Variants in SRCIN1 observed in about 807,000 individuals in gnomAD.
SRCIN1 encodes the protein P130Cas-associated protein.
A neutral mutation model predicts 116.2 loss-of-function variants in SRCIN1; 50 were observed. The observed-to-expected ratio is 0.43, with a 90% confidence interval of 0.34 to 0.54. The LOEUF (loss-of-function observed/expected upper bound fraction) is 0.54, where lower values mean the gene tolerates loss of function less well. Among genes scored for constraint, SRCIN1 ranks in the 20% least tolerant of loss-of-function variants. The pLI is 0.02. For missense variants in SRCIN1, 1,446 were observed against 1,672.0 expected (o/e 0.86, Z 2.36); for synonymous variants, 736 against 750.0 (o/e 0.98, Z 0.30).
chr17:38,539,468 G>A (rs1904591751), intron 18 of SRCIN1, among the ~76,000 whole-genome samples: 1 of 152,164 alleles, frequency 6.6e-6, no homozygotes. Flanking sequence ...CTCTGGTTGG[G>A]TTTGGCCAGT....
chr17:38,588,073 GGAA>G (rs758640675), intron 1 of SRCIN1, among the ~76,000 whole-genome samples: 12 of 148,148 alleles, frequency 8.1e-5, no homozygotes, highest in South Asian at 2.2e-4. Context: ...AAAAAAAAAA[GGAA>G]GAAGAAGAAG....
intron 1 of SRCIN1, among the ~76,000 whole-genome samples, chr17:38,580,489 G>A (rs1304061792): frequency 1.3e-5 from 2 of 152,240 alleles, no homozygotes; most frequent in African/African-American, 2.4e-5. Flanking sequence ...CATCAGGTGG[G>A]TGTTATCATG....
At position 38,544,663 on chromosome 17, in the gene SRCIN1, T is replaced by C. The variant is rs1220169282; in HGVS notation, c.3271-694A>G. ...CCTGGTTCTTGCCAAGGCTGGGGAT[T>C]GGCCGGCCCCTGGGTAGGCCGGCTT... On this transcript the variant is annotated intron_variant, in intron 17 of 18. Transcript: ENST00000617146. This position sits in a 1 kb window ranked among gnomAD's most constrained non-coding sequence, Gnocchi z 4.5. 6.6e-6 allele frequency: 1 copy of C among 152,124 alleles called. No individual in the cohort carries two copies. Among genetic ancestry groups the C allele is most frequent in the Non-Finnish European group, 1.5e-5 (1 of 68,050 alleles). The allele number at this position is 152,124 out of a possible 1,614,324, so 9.4% of individuals were successfully genotyped here.
chr17:38,587,859 C>T (rs1186661225), intron 1 of SRCIN1, among the ~76,000 whole-genome samples: 4 of 152,126 alleles, frequency 2.6e-5, no homozygotes, highest in African/African-American at 9.7e-5. Context: ...CAAGACTCCC[C>T]ATCCTTGCAA....
chr17:38,554,286 C>T (rs1377127386), intron 11 of SRCIN1, among the ~76,000 whole-genome samples: 7 of 152,054 alleles, frequency 4.6e-5, no homozygotes, highest in Admixed American at 2.6e-4. Context: ...CAGGAAAGCA[C>T]GCGGCAAAGG....
In SRCIN1 at chr17:38,533,095, TA is replaced by T. The variant is rs79154508; in HGVS notation, c.*201del. On this transcript the variant is annotated 3_prime_UTR_variant, in exon 19 of 19. Transcript: ENST00000617146. ...AAAAAGATAATTAAAAGTTAATTGT[TA>T]AAAAAAAAAAAAAAAACAAAACCAA... The T allele has an allele frequency of 0.086, 22,193 of 258,280 alleles. 16 individuals carry two copies. Among genetic ancestry groups the T allele is most frequent in the Middle Eastern group, 0.13 (119 of 892 alleles). The allele number at this position is 258,280 out of a possible 1,614,324, so 16.0% of individuals were successfully genotyped here.
At chr17:38,575,605 A>G (rs1262263469) in intron 2 of SRCIN1, among the ~76,000 whole-genome samples, 2 of 151,872 alleles carry the variant, frequency 1.3e-5, no homozygotes, top group African/African-American at 4.8e-5. Flanking sequence ...GCTCCTTACC[A>G]TCTCCCCTTC....
chr17:38,606,794 C>T (rs1226474656), upstream of SRCIN1, among the ~76,000 whole-genome samples: 2 of 152,186 alleles, frequency 1.3e-5, no homozygotes, highest in Admixed American at 6.5e-5. The surrounding 1 kb of genome is among the most constrained non-coding windows in gnomAD (Gnocchi z 5.2). Flanking sequence ...AGCGCTGACC[C>T]GGACCCAGAC....
rs975222446 is a variant in SRCIN1, at chr17:38,562,142, C to T, written c.1021G>A (p.Ala341Thr). 6 of 1,367,712 alleles carry T rather than the reference C, an allele frequency of 4.4e-6. No individual in the cohort carries two copies. Among genetic ancestry groups the T allele is most frequent in the Non-Finnish European group, 5.6e-6 (6 of 1,068,590 alleles). The allele number at this position is 1,367,712 out of a possible 1,614,324, so 84.7% of individuals were successfully genotyped here. ...GCCGCGTGGTGCACCGGGCTGCCGG[C>T]GTACGAAGGCGGGCGCCCCCCGGCG... is the stretch of plus-strand genomic sequence containing the variant. ...SYAGGRPPSYAGSPVHHAAER... is the reference protein window; with the variant it reads ...SYAGGRPPSYTGSPVHHAAER... Residue 341 changes from alanine (A) to threonine (T), a missense_variant, in exon 7 of 19, where the codon GCC (alanine) becomes ACC (threonine). By Grantham distance (58) the Ala-to-Thr change is moderately conservative. Coordinates refer to ENST00000617146, the MANE Select transcript of SRCIN1 (RefSeq NM_025248.3). The surrounding 1 kb of genome is among the most constrained non-coding windows in gnomAD (Gnocchi z 4.2).
rs201711354 is a variant in SRCIN1, at chr17:38,561,573, C to T, written c.1590G>A (p.Ala530=). The T allele has an allele frequency of 1.6e-5, 26 of 1,601,658 alleles. No individual in the cohort carries two copies. Among genetic ancestry groups the T allele is most frequent in the Non-Finnish European group, 2.1e-5 (25 of 1,175,652 alleles). ...GAGCTCCGGCCGTCGAGGCGCTCCC[C>T]GCGCTGCGGGTCTTCCCTCCAGGAC... The part of the protein sequence containing the change: ...AESPGGKTRS[A]GSASTAGAPP... The change falls in exon 7 of 19, where the codon GCG becomes GCA. Residue 530 remains alanine (A), a synonymous_variant. Coordinates refer to ENST00000617146, the MANE Select transcript of SRCIN1 (RefSeq NM_025248.3).
In SRCIN1 at chr17:38,561,841, G is replaced by A; in HGVS notation, c.1322C>T (p.Ala441Val). The change falls in exon 7 of 19, where the codon GCC (alanine) becomes GTC (valine). Residue 441 changes from alanine to valine, a missense_variant. Around this residue, in one of 5 missense-constraint regions of SRCIN1, gnomAD observed 398 missense variants for 385.6 expected, o/e 1.03. Transcript: ENST00000617146. ...SVRSLSTYSA[A>V]ALQSDLEDSL... ...GTCCTCCAGATCGGACTGCAGCGCG[G>A]CGGCCGAGTAGGTGCTGAGCGAGCG... 1 of 1,476,862 alleles carries A rather than the reference G, an allele frequency of 6.8e-7. No homozygotes were observed. The highest frequency in any genetic ancestry group is 8.9e-7 in the Non-Finnish European group (1 of 1,123,542). 91.5% of individuals were successfully genotyped at this position (1,476,862 alleles called of 1,614,324 possible).
intron 1 of SRCIN1, among the ~76,000 whole-genome samples, chr17:38,590,394 C>T (rs2143399674): frequency 6.6e-6 from 1 of 152,354 alleles, no homozygotes; most frequent in Admixed American, 6.5e-5. Context: ...TGCCACCACA[C>T]CTGGCTAATT....
intron 1 of SRCIN1, among the ~76,000 whole-genome samples, chr17:38,595,269 G>A (rs188213556): frequency 6.6e-4 from 100 of 152,164 alleles, no homozygotes; most frequent in African/African-American, 2.1e-3. Flanking sequence ...CCAGGCTGGA[G>A]TGCGGTGGCG....
chr17:38,546,254 C>T (rs1199710987), intron 17 of SRCIN1, among the ~76,000 whole-genome samples: 1 of 152,244 alleles, frequency 6.6e-6, no homozygotes, highest in Non-Finnish European at 1.5e-5. Context: ...CTGCTGCTCT[C>T]ACCAGGGCGA....
rs1906030543 is a variant in SRCIN1 at position 38,559,268 on chromosome 17, C to T, written c.2025+317G>A. The T allele has an allele frequency of 1.6e-5, 8 of 485,068 alleles. No homozygotes were observed. In the South Asian group the frequency reaches 2.0e-4, roughly 12 times the overall value. 30.0% of individuals were successfully genotyped at this position (485,068 alleles called of 1,614,324 possible). On this transcript the variant is annotated intron_variant, in intron 10 of 18. Coordinates refer to ENST00000617146, the MANE Select transcript of SRCIN1 (RefSeq NM_025248.3). ...CTGGAACTGCCCCGAGGGATACTGA[C>T]GACGGAGGGGCTCAGTGGGTGACTG...
intron 18 of SRCIN1, among the ~76,000 whole-genome samples, chr17:38,536,784 T>C (rs34041655): frequency 0.08 from 12,164 of 152,268 alleles, 503 homozygotes; most frequent in Middle Eastern, 0.099. Flanking sequence ...TCTATGGCAA[T>C]TGGAGAAATT....
chr17:38,546,252 C>T (rs904351381), intron 17 of SRCIN1, among the ~76,000 whole-genome samples: 1 of 152,234 alleles, frequency 6.6e-6, no homozygotes, highest in Admixed American at 6.5e-5. Context: ...GACTGCTGCT[C>T]TCACCAGGGC....
chr17:38,582,377 TC>T (rs1160776701), intron 1 of SRCIN1, among the ~76,000 whole-genome samples: 1 of 150,872 alleles, frequency 6.6e-6, no homozygotes, highest in East Asian at 1.9e-4. Context: ...CAGGGAGAGG[TC>T]CCAGCTCCCA....
In SRCIN1 at chr17:38,604,418, A is replaced by G. The variant is rs1486737491; in HGVS notation, c.22+1266T>C. 2.5e-6 allele frequency: 1 copy of G among 407,496 alleles called. No homozygotes were observed. The highest frequency in any genetic ancestry group is 2.1e-5 in the African/African-American group (1 of 46,880). The allele number at this position is 407,496 out of a possible 1,614,324, so 25.2% of individuals were successfully genotyped here. A position where few individuals can be genotyped will look rare whatever the true frequency, so the allele number is the denominator to read the frequency against. ...TGCTGCAGGACCTCCTTGTCCCACA[A>G]CATTTGAGGAGGGGGGCTGGGAAGA... On this transcript the variant is annotated intron_variant, in intron 1 of 18. Transcript: ENST00000617146. The surrounding 1 kb of genome is among the most constrained non-coding windows in gnomAD (Gnocchi z 4.3).
Sources: allele counts gnomAD v4.1 joint callset (sites outside exome capture counted in the v4.1 genomes callset), GRCh38; gene constraint gnomAD v4.1.1; regional missense constraint gnomAD v4.1.1; non-coding constraint Gnocchi (gnomAD v3.1); transcripts MANE v1.5; gene names NCBI Gene and HGNC (gene_info 2026-07-23, HGNC 2026-07-21).